Variants in ZC4H2 observed in about 807,000 individuals in gnomAD.
The protein encoded by ZC4H2 is zinc finger C4H2-type containing.
For missense variants in ZC4H2, 137 were observed against 173.9 expected (o/e 0.79, Z 1.19); for synonymous variants, 84 against 66.3 (o/e 1.27, Z -1.30).
chrX:65,018,445 C>G (rs949063714), intron 1 of ZC4H2, among the ~76,000 whole-genome samples: 2 of 111,900 alleles, frequency 1.8e-5, no homozygotes, highest in Admixed American at 9.4e-5. Flanking sequence ...ATTTCCTTCC[C>G]CTAGCCAAGA....
chrX:64,946,989 A>AT (rs1161734582), intron 1 of ZC4H2, among the ~76,000 whole-genome samples: 2 of 110,411 alleles, frequency 1.8e-5, no homozygotes, highest in African/African-American at 6.6e-5. Flanking sequence ...AGTGCTGTTA[A>AT]TTTTTTTCAT....
intron 1 of ZC4H2, among the ~76,000 whole-genome samples, chrX:64,988,738 C>T (rs1295862278): frequency 9.0e-6 from 1 of 111,460 alleles, no homozygotes; most frequent in African/African-American, 3.3e-5. Flanking sequence ...TAGATCCCAT[C>T]TGTCAATTTT....
chrX:64,948,243 T>C (rs1022747528), intron 1 of ZC4H2, among the ~76,000 whole-genome samples: 2 of 111,715 alleles, frequency 1.8e-5, no homozygotes, highest in African/African-American at 6.5e-5. Flanking sequence ...AAACCGGACT[T>C]GGTCCAGGAT....
rs763705772 is a variant in ZC4H2, at chrX:65,017,180, T to C, written c.-272+17449A>G. ...TCTTTGGGCTTAATAGTCAAGATGA[T>C]GGTCAGCCATAACCATCCCCCTTGT... On this transcript the variant is annotated intron_variant, in intron 1 of 4. Transcript: ENST00000337990. Among the ~76,000 whole-genome samples the C allele has an allele frequency of 4.5e-5, 5 of 112,200 alleles. No homozygotes were observed. The East Asian group carries it at 1.4e-3, about 32-fold the overall frequency.
chrX:64,966,942 A>G (rs1272424140), intron 1 of ZC4H2, among the ~76,000 whole-genome samples: 2 of 111,494 alleles, frequency 1.8e-5, no homozygotes, highest in African/African-American at 6.5e-5. Context: ...TTCCTATGGT[A>G]TATAAAATAT....
chrX:64,942,018 C>T (rs1051163243), intron 1 of ZC4H2, among the ~76,000 whole-genome samples: 4 of 110,698 alleles, frequency 3.6e-5, no homozygotes, highest in Non-Finnish European at 7.6e-5. Context: ...ATCCGCCTGG[C>T]CCTGGACTTT....
intron 1 of ZC4H2, among the ~76,000 whole-genome samples, chrX:65,023,877 C>T (rs1333686603): frequency 8.9e-6 from 1 of 111,825 alleles, no homozygotes; most frequent in Non-Finnish European, 1.9e-5. Flanking sequence ...CAATGATAGA[C>T]TGGATAAAGA....
rs1555948665 is a variant in ZC4H2, at chrX:64,999,068, T to TTA, written c.-272+35560_-272+35561insTA. On this transcript the variant is annotated intron_variant, in intron 1 of 4. Transcript: ENST00000337990. Reference sequence around the variant, plus strand: ...TTTTTTTTTTTTTTTTTTTTTTTTTTAATCTATTCTGCCAATCTTTGTCCT... The same window carrying TTA: ...TTTTTTTTTTTTTTTTTTTTTTTTTTTAAATCTATTCTGCCAATCTTTGTCCT... Among the ~76,000 whole-genome samples the TTA allele has an allele frequency of 9.0e-4, 68 of 75,763 alleles. 1 individual carries two copies. The highest frequency in any genetic ancestry group is 2.7e-3 in the African/African-American group (61 of 22,264). 65.8% of individuals were successfully genotyped at this position (75,763 alleles called of 115,157 possible). A position where few individuals can be genotyped will look rare whatever the true frequency, so the allele number is the denominator to read the frequency against.
rs145874674 is a variant in ZC4H2, at chrX:64,932,378, G to T, written c.54-10390C>A. ...TTACATTCGATGTTAGTATTGAAATGTGAGGTACTGTTGTACTTATCATGT... is the reference window on the plus strand; with the variant it reads ...TTACATTCGATGTTAGTATTGAAATTTGAGGTACTGTTGTACTTATCATGT... On this transcript the variant is annotated intron_variant, in intron 1 of 4. Coordinates refer to ENST00000374839, the MANE Select transcript of ZC4H2 (RefSeq NM_018684.4). 8.5e-3 allele frequency among the ~76,000 whole-genome samples: 951 copies of T among 111,390 alleles called. 14 individuals are homozygous for T. Among genetic ancestry groups the T allele is most frequent in the African/African-American group, 0.029 (904 of 30,696 alleles).
At chrX:64,992,169 G>T (rs1932321898) in intron 1 of ZC4H2, among the ~76,000 whole-genome samples, 1 of 111,801 alleles carries the variant, frequency 8.9e-6, no homozygotes, top group African/African-American at 3.3e-5. Flanking sequence ...TTTACGGTGA[G>T]TTATATCTTC....
intron 1 of ZC4H2, among the ~76,000 whole-genome samples, chrX:65,032,137 C>A (rs1467974007): frequency 9.0e-6 from 1 of 111,107 alleles, no homozygotes; most frequent in African/African-American, 3.3e-5. Flanking sequence ...ATCTTGAAAC[C>A]CCAGGAAAGA....
chrX:65,023,447 G>A (rs1363392867), intron 1 of ZC4H2, among the ~76,000 whole-genome samples: 3 of 111,569 alleles, frequency 2.7e-5, no homozygotes, highest in Non-Finnish European at 3.8e-5. Flanking sequence ...TTTTCAAAGG[G>A]AATGCTTTCA....
At chrX:64,935,255 C>T (rs1929947865) in intron 1 of ZC4H2, among the ~76,000 whole-genome samples, 1 of 111,941 alleles carries the variant, frequency 8.9e-6, no homozygotes, top group Non-Finnish European at 1.9e-5. Context: ...AGCAAGTTTG[C>T]TGTGGCCAGA....
chrX:64,930,920 G>A (rs1929712475), intron 1 of ZC4H2, among the ~76,000 whole-genome samples: 1 of 111,842 alleles, frequency 8.9e-6, no homozygotes, highest in Non-Finnish European at 1.9e-5. Context: ...TTTTGGAATG[G>A]TTTCAGTAGG....
intron 1 of ZC4H2, among the ~76,000 whole-genome samples, chrX:64,987,480 T>C (rs747280270): frequency 5.7e-4 from 60 of 104,575 alleles, no homozygotes; most frequent in African/African-American, 1.7e-3. Flanking sequence ...TTTTTTTTTT[T>C]CCCACAAAGA....
At chrX:64,971,244 C>T (rs1188487635) in intron 1 of ZC4H2, among the ~76,000 whole-genome samples, 1 of 111,857 alleles carries the variant, frequency 8.9e-6, no homozygotes, top group African/African-American at 3.3e-5. Context: ...AACAACCATG[C>T]TTTAGGAAGG....
At chrX:64,981,568 A>T (rs762210801) in intron 1 of ZC4H2, among the ~76,000 whole-genome samples, 4 of 111,203 alleles carry the variant, frequency 3.6e-5, no homozygotes, top group Admixed American at 1.9e-4. Flanking sequence ...TGGCTTCAGT[A>T]ATAAGGTCAG....
chrX:64,937,577 AAC>A (rs1232385670), intron 1 of ZC4H2, among the ~76,000 whole-genome samples: 1 of 112,036 alleles, frequency 8.9e-6, no homozygotes, highest in Non-Finnish European at 1.9e-5. Context: ...TGAAAATCAT[AAC>A]AGTCTCTCAG....
intron 1 of ZC4H2, among the ~76,000 whole-genome samples, chrX:65,015,292 A>G (rs190813609): frequency 1.1e-3 from 125 of 112,161 alleles, no homozygotes; most frequent in African/African-American, 3.9e-3. Context: ...ATCTCATTTA[A>G]TAAAACACTG....
Sources: gnomAD v4.1 joint callset for allele counts (sites outside exome capture counted in the v4.1 genomes callset) on GRCh38, gnomAD v4.1.1 for gene constraint, MANE v1.5 for transcripts, NCBI Gene and HGNC (gene_info 2026-07-23, HGNC 2026-07-21) for gene names.